The following MAD1L1 variants were observed in gnomAD, a reference collection of about 807,000 sequenced individuals.
MAD1L1 encodes the protein mitotic arrest deficient 1 like 1, also known as mitotic spindle assembly checkpoint protein MAD1.
A neutral mutation model predicts 96.9 loss-of-function variants in MAD1L1; 95 were observed. The observed-to-expected ratio is 0.98, with a 90% confidence interval of 0.83 to 1.16. The LOEUF is 1.16. Among genes scored for constraint, MAD1L1 ranks in the 50% most tolerant of loss-of-function variants. MAD1L1 has a pLI of 0.00. For synonymous variants in MAD1L1, 473 were observed against 396.6 expected, an observed-to-expected ratio of 1.19 and a Z score of -2.29; for missense variants, 1,007 against 954.4, an observed-to-expected ratio of 1.06 and a Z score of -0.73.
In MAD1L1 at chr7:2,051,138, A is replaced by G. The variant is rs73281399; in HGVS notation, c.1218+18056T>C. Among the ~76,000 whole-genome samples, 678 of 152,324 alleles carry G rather than the reference A, an allele frequency of 4.5e-3. 5 individuals carry two copies. Among genetic ancestry groups the G allele is most frequent in the African/African-American group, 0.015 (617 of 41,590 alleles). On this transcript the variant is annotated intron_variant, in intron 12 of 18. Transcript: ENST00000265854. Reference sequence around the variant, plus strand: ...AGGCCAAAGCCTGGGTAGGCAGGACAAGGTTCCGGGCCTGGTCCCTCCAGC... The same window carrying G: ...AGGCCAAAGCCTGGGTAGGCAGGACGAGGTTCCGGGCCTGGTCCCTCCAGC...
chr7:2,212,207 T>C (rs1299027179), intron 10 of MAD1L1, among the ~76,000 whole-genome samples: 3 of 152,284 alleles, frequency 2.0e-5, no homozygotes, highest in South Asian at 4.1e-4. Flanking sequence ...GGACCAGACC[T>C]GGGAACGGTC....
At chr7:1,914,214 C>T (rs987713422) in intron 17 of MAD1L1, among the ~76,000 whole-genome samples, 39 of 152,294 alleles carry the variant, frequency 2.6e-4, no homozygotes, top group Admixed American at 3.3e-4. Flanking sequence ...GAGGAGATGG[C>T]GCTGTGATGG....
intron 18 of MAD1L1, among the ~76,000 whole-genome samples, chr7:1,877,151 A>C (rs183712035): frequency 1.2e-3 from 182 of 152,268 alleles, no homozygotes; most frequent in Middle Eastern, 3.4e-3. Context: ...TAGTAAGATT[A>C]TTTGAAAACA....
chr7:2,130,721 G>A (rs1467621583), intron 11 of MAD1L1, among the ~76,000 whole-genome samples: 2 of 152,174 alleles, frequency 1.3e-5, no homozygotes, highest in African/African-American at 4.8e-5. Context: ...AAATAACTAG[G>A]AGAGACCAAA....
intron 10 of MAD1L1, among the ~76,000 whole-genome samples, chr7:2,173,297 C>T (rs1357945523): frequency 9.2e-5 from 14 of 152,152 alleles, no homozygotes; most frequent in Admixed American, 9.2e-4. Flanking sequence ...TGTGCTCCCA[C>T]CACCCCTCTG....
At chr7:1,940,085 G>A (rs949385582) in intron 16 of MAD1L1, 1 of 152,354 alleles carries the variant, frequency 6.6e-6, no homozygotes, top group African/African-American at 2.4e-5. Context: ...TGGACATGCT[G>A]ACCTGGACCA....
chr7:2,149,425 C>G (rs1172662818), intron 10 of MAD1L1, among the ~76,000 whole-genome samples, 187 bp from the exon 11 acceptor site: 1 of 152,176 alleles, frequency 6.6e-6, no homozygotes, highest in Non-Finnish European at 1.5e-5. Flanking sequence ...CCACAGCCCC[C>G]ACCCCTATGC....
intron 13 of MAD1L1, among the ~76,000 whole-genome samples, chr7:2,010,070 G>GTTTTTTTTTTT (rs56012894): frequency 1.1e-5 from 1 of 89,794 alleles, no homozygotes. Flanking sequence ...TTTTTAACAG[G>GTTTTTTTTTTT]TTTTTTTTTT....
chr7:2,056,394 CCTCTGCTCTGCTCTG>C (rs60120786), intron 12 of MAD1L1, among the ~76,000 whole-genome samples: 1 of 151,504 alleles, frequency 6.6e-6, no homozygotes, highest in Non-Finnish European at 1.5e-5. Context: ...GGATGGAGGC[CCTCTGCTCTGCTCTG>C]CTCTGCTCTG....
intron 15 of MAD1L1, among the ~76,000 whole-genome samples, chr7:1,973,596 G>A (rs567283417): frequency 3.7e-4 from 57 of 152,258 alleles, no homozygotes; most frequent in Admixed American, 6.5e-4. Context: ...CCACACACGA[G>A]GACCACAGAC....
At chr7:1,825,847 G>A (rs1345689640) in intron 18 of MAD1L1, among the ~76,000 whole-genome samples, 8 of 151,924 alleles carry the variant, frequency 5.3e-5, no homozygotes, top group East Asian at 1.9e-4. Context: ...TCCCAGCCCC[G>A]GGGTTGGAGG....
intron 11 of MAD1L1, among the ~76,000 whole-genome samples, chr7:2,105,821 C>T (rs1460934065): frequency 6.6e-6 from 1 of 152,116 alleles, no homozygotes; most frequent in African/African-American, 2.4e-5. Flanking sequence ...CTCCTCAACG[C>T]TCCTCACCCA....
At chr7:2,034,826 G>A (rs1783394161) in intron 12 of MAD1L1, among the ~76,000 whole-genome samples, 1 of 152,236 alleles carries the variant, frequency 6.6e-6, no homozygotes, top group South Asian at 2.1e-4. Flanking sequence ...CTACCTCTGG[G>A]TGCAGGAGTC....
At chr7:1,953,275 C>G (rs1283241593) in intron 16 of MAD1L1, among the ~76,000 whole-genome samples, 1 of 152,192 alleles carries the variant, frequency 6.6e-6, no homozygotes, top group Non-Finnish European at 1.5e-5. Flanking sequence ...AATCTTCTAC[C>G]CACTCCTTCC....
At position 2,218,038 on chromosome 7, in the gene MAD1L1, C is replaced by A; in HGVS notation, c.602G>T (p.Cys201Phe). 6.2e-7 allele frequency: 1 copy of A among 1,613,634 alleles called. No individual in the cohort carries two copies. The highest frequency in any genetic ancestry group is 1.1e-5 in the South Asian group (1 of 91,074). ...QEQLDLQHKK[C>F]QEANQKIQEL... is the part of the protein sequence containing the mutation. ...CTGGATTTTCTGATTGGCTTCCTGGCATTTTCTATTGAAAGAAAAATACAT... is the reference window on the plus strand; with the variant it reads ...CTGGATTTTCTGATTGGCTTCCTGGAATTTTCTATTGAAAGAAAAATACAT... Residue 201 changes from cysteine (C) to phenylalanine (F), a missense_variant, in exon 7 of 19, where the codon TGC becomes TTC. Cys to Phe is a radical substitution (Grantham distance 205). Transcript: ENST00000265854.
intron 10 of MAD1L1, among the ~76,000 whole-genome samples, chr7:2,170,600 G>A (rs529488916): frequency 2.4e-4 from 37 of 152,312 alleles, no homozygotes; most frequent in Admixed American, 7.8e-4. Flanking sequence ...GCAGGGTCTC[G>A]TGGTCATTGC....
chr7:1,936,285 G>A (rs1423902301), intron 17 of MAD1L1, among the ~76,000 whole-genome samples: 1 of 152,248 alleles, frequency 6.6e-6, no homozygotes, highest in Admixed American at 6.5e-5. Context: ...GACGCCACAG[G>A]CCTTGGCCTC....
At chr7:1,855,562 A>G (rs549898519) in intron 18 of MAD1L1, among the ~76,000 whole-genome samples, 2 of 151,610 alleles carry the variant, frequency 1.3e-5, no homozygotes, top group South Asian at 4.2e-4. Context: ...AGCCCAGCCC[A>G]GCTCCACCCG....
intron 11 of MAD1L1, among the ~76,000 whole-genome samples, chr7:2,095,791 C>T (rs1786457919): frequency 6.6e-6 from 1 of 152,176 alleles, no homozygotes; most frequent in African/African-American, 2.4e-5. Flanking sequence ...ATAGGGACAG[C>T]TGTGGGTGCA....
Sources: allele counts gnomAD v4.1 joint callset (sites outside exome capture counted in the v4.1 genomes callset), GRCh38; gene constraint gnomAD v4.1.1; transcripts MANE v1.5; gene names NCBI Gene and HGNC (gene_info 2026-07-23, HGNC 2026-07-21).